The following PTPRD variants were observed in gnomAD, a reference collection of about 807,000 sequenced individuals.
The protein encoded by PTPRD is protein tyrosine phosphatase receptor type D.
Under a neutral mutation model 214.5 loss-of-function variants are expected in PTPRD, and 34 were observed. The observed-to-expected ratio is 0.16, with a 90% CI of 0.12 to 0.21. The LOEUF is 0.21. Ranked by LOEUF, PTPRD falls within the 10% of genes least tolerant of loss-of-function variation. The pLI, the probability that PTPRD is intolerant of heterozygous loss-of-function variation, is 1.00. For missense variants in PTPRD, 2,545 were observed against 2,398.7 expected (o/e 1.06, Z -1.27); for synonymous variants, 1,128 against 845.7 (o/e 1.33, Z -5.79).
At chr9:9,721,048 C>T (rs1312759908) in intron 7 of PTPRD, among the ~76,000 whole-genome samples, 1 of 152,002 alleles carries the variant, frequency 6.6e-6, no homozygotes, top group African/African-American at 2.4e-5. Context: ...AGGCTTAGTA[C>T]CTAGGTGATA....
At chr9:10,337,186 T>G (rs2096858790) in intron 3 of PTPRD, among the ~76,000 whole-genome samples, 1 of 151,782 alleles carries the variant, frequency 6.6e-6, no homozygotes, top group African/African-American at 2.4e-5. Context: ...AATATTGTAT[T>G]AAATTACTTT....
At chr9:10,472,949 A>G (rs1468216990) in intron 2 of PTPRD, among the ~76,000 whole-genome samples, 1 of 152,062 alleles carries the variant, frequency 6.6e-6, no homozygotes, top group Admixed American at 6.6e-5. Context: ...TATATTGCAT[A>G]TAAATTGTTT....
intron 9 of PTPRD, among the ~76,000 whole-genome samples, chr9:9,269,737 G>T (rs1272946056): frequency 2.6e-5 from 4 of 151,254 alleles, no homozygotes; most frequent in African/African-American, 9.7e-5. Context: ...ACATTTTACT[G>T]AGTGAAATTA....
intron 9 of PTPRD, among the ~76,000 whole-genome samples, chr9:9,186,864 G>A (rs961854854): frequency 2.6e-5 from 4 of 151,870 alleles, no homozygotes; most frequent in African/African-American, 9.7e-5. Context: ...GAATTATCTA[G>A]ATGATGTTTA....
intron 4 of PTPRD, among the ~76,000 whole-genome samples, chr9:9,944,967 G>C (rs545342847): frequency 1.3e-5 from 2 of 151,332 alleles, no homozygotes; most frequent in Admixed American, 1.3e-4. Context: ...GTCTAGAAAA[G>C]AGATGAATAT....
At chr9:9,166,735 G>C (rs2099904964) in intron 10 of PTPRD, among the ~76,000 whole-genome samples, 2 of 152,016 alleles carry the variant, frequency 1.3e-5, no homozygotes, top group South Asian at 4.2e-4. Context: ...AAACACCTTG[G>C]AGTTTGTGTG....
intron 12 of PTPRD, among the ~76,000 whole-genome samples, chr9:8,653,625 C>G (rs144061324): frequency 6.6e-6 from 1 of 152,190 alleles, no homozygotes; most frequent in Non-Finnish European, 1.5e-5. Flanking sequence ...GATCTACAGC[C>G]TCAACTATAC....
At chr9:9,793,135 C>T (rs1428575865) in intron 5 of PTPRD, among the ~76,000 whole-genome samples, 1 of 151,988 alleles carries the variant, frequency 6.6e-6, no homozygotes. Flanking sequence ...AATACAGGAC[C>T]TGAAATTCCA....
chr9:9,543,443 T>C (rs2078066055), intron 8 of PTPRD, among the ~76,000 whole-genome samples: 1 of 151,692 alleles, frequency 6.6e-6, no homozygotes. Flanking sequence ...TATATCAATA[T>C]CATGTATCAC....
chr9:8,408,441 A>G (rs914015671), intron 35 of PTPRD, among the ~76,000 whole-genome samples: 2 of 152,050 alleles, frequency 1.3e-5, no homozygotes, highest in African/African-American at 2.4e-5. Context: ...CCCAGCACTC[A>G]ATCTGAAGTT....
Position 9,193,162 on chromosome 9 carries a change from T to A in PTPRD, c.-202-9799A>T, listed in dbSNP as rs961140754. 7.2e-5 allele frequency among the ~76,000 whole-genome samples: 11 copies of A among 152,318 alleles called. No homozygotes were observed. The East Asian group carries it at 2.1e-3, about 29-fold the overall frequency. On this transcript the variant is annotated intron_variant, in intron 9 of 45. Coordinates refer to ENST00000381196, the MANE Select transcript of PTPRD (RefSeq NM_002839.4). The stretch of plus-strand genomic sequence containing the variant: ...ACCAGCTTGCATTTTAAATATTTTA[T>A]ATTTTTATTTCTGGTAGCAAATTAT...
chr9:9,388,112 G>T (rs777206133), intron 9 of PTPRD, among the ~76,000 whole-genome samples: 27 of 152,214 alleles, frequency 1.8e-4, no homozygotes, highest in Non-Finnish European at 4.0e-4. Flanking sequence ...TCAGCAGATG[G>T]GGGAGCCAGA....
chr9:9,773,692 G>A (rs533946585), intron 5 of PTPRD, among the ~76,000 whole-genome samples: 27 of 152,216 alleles, frequency 1.8e-4, no homozygotes, highest in Admixed American at 5.9e-4. Context: ...AATAAAGAAA[G>A]CATTGTAAAA....
intron 11 of PTPRD, among the ~76,000 whole-genome samples, chr9:8,819,313 C>A (rs1434252): frequency 0.69 from 105,318 of 151,870 alleles, 36,780 homozygotes; most frequent in Middle Eastern, 0.79. Context: ...GTAGACTGAT[C>A]TGTTTCATAT....
At chr9:10,356,543 A>G (rs1457303871) in intron 2 of PTPRD, among the ~76,000 whole-genome samples, 1 of 152,238 alleles carries the variant, frequency 6.6e-6, no homozygotes, top group East Asian at 1.9e-4. Flanking sequence ...GCAGAAAGGA[A>G]GACTCAGAAA....
chr9:10,364,845 A>G (rs1024337444), intron 2 of PTPRD, among the ~76,000 whole-genome samples: 4 of 152,142 alleles, frequency 2.6e-5, no homozygotes, highest in Non-Finnish European at 5.9e-5. Flanking sequence ...AGCTCACTAA[A>G]ATTTCAGAAT....
intron 35 of PTPRD, among the ~76,000 whole-genome samples, chr9:8,436,325 AT>A (rs2095346839): frequency 7.2e-6 from 1 of 138,838 alleles, no homozygotes; most frequent in South Asian, 2.2e-4. Context: ...ATTATTGCCA[AT>A]TAAAAATAAA....
At chr9:9,778,244 G>A (rs528267623) in intron 5 of PTPRD, among the ~76,000 whole-genome samples, 4 of 152,218 alleles carry the variant, frequency 2.6e-5, no homozygotes, top group African/African-American at 7.2e-5. Context: ...TCCCAGCCCC[G>A]AATGGCTCCT....
intron 11 of PTPRD, among the ~76,000 whole-genome samples, chr9:8,917,135 C>CTTT (rs35316380): frequency 1.7e-5 from 2 of 114,320 alleles, no homozygotes; most frequent in East Asian, 2.7e-4. Flanking sequence ...TCTTCTTCTT[C>CTTT]TTTTTTTTTT....
Sources: gnomAD v4.1 joint callset for allele counts (sites outside exome capture counted in the v4.1 genomes callset) on GRCh38, gnomAD v4.1.1 for gene constraint, MANE v1.5 for transcripts, NCBI Gene and HGNC (gene_info 2026-07-23, HGNC 2026-07-21) for gene names.